CPNE6: variants seen among roughly 807,000 people sequenced by gnomAD.
The protein encoded by CPNE6 is copine-6.
In CPNE6, 33 loss-of-function variants were observed where a neutral mutation model predicts 71.5. That is an observed-to-expected ratio of 0.46 (90% CI 0.35 to 0.62). CPNE6 has a LOEUF of 0.62. Ranked by LOEUF, CPNE6 falls within the 20% of genes least tolerant of loss-of-function variation. The pLI, the probability that CPNE6 is intolerant of heterozygous loss-of-function variation, is 0.00. For synonymous variants in CPNE6, 296 were observed against 293.0 expected (o/e 1.01, Z -0.10); for missense variants, 576 against 747.3 (o/e 0.77, Z 2.67).
chr14:24,076,236 C>T (rs2036057743), exon 12 of CPNE6: 9 of 1,614,234 alleles, frequency 5.6e-6, no homozygotes, highest in South Asian at 1.1e-5. Flanking sequence ...CAACCACTAC[C>T]TGCAGGCCCT....
rs1345168110 is a variant in CPNE6 at position 24,076,858 on chromosome 14, A to T, written c.1166-21A>T. The T allele has an allele frequency of 2.5e-6, 4 of 1,611,374 alleles. No homozygotes were observed. The South Asian group carries it at 4.4e-5, about 18-fold the overall frequency. ...GGCCCTGCTCATTTCTGCCAGCTTC[A>T]CAACTTCTCTTCACTCACAGAGATC... On this transcript the variant is annotated intron_variant, in intron 14 of 17. Transcript: ENST00000397016.
At chr14:24,076,906 G>T in exon 15 of CPNE6, 1 of 1,613,272 alleles carries the variant, frequency 6.2e-7, no homozygotes. Flanking sequence ...GCCTCCTACC[G>T]TCGTTGCCTG....
At chr14:24,076,034 C>A in intron 11 of CPNE6, 115 bp from the exon 11 acceptor site, 1 of 1,506,654 alleles carries the variant, frequency 6.6e-7, no homozygotes, top group Non-Finnish European at 9.1e-7. Flanking sequence ...CATTATGTGG[C>A]TACCTGTAGC....
Position 24,074,938 on chromosome 14 carries a change from T to C in CPNE6, c.672+143T>C. Reference sequence around the variant, plus strand: ...TGTGGGATAAATAATAGGTCACAGCTCAATGTTAAACTTCCCACATGTGTG... The same window carrying C: ...TGTGGGATAAATAATAGGTCACAGCCCAATGTTAAACTTCCCACATGTGTG... On this transcript the variant is annotated intron_variant, in intron 8 of 17. Coordinates refer to ENST00000397016, the Ensembl canonical transcript of CPNE6. This position sits in a 1 kb window ranked among gnomAD's most constrained non-coding sequence, Gnocchi z 4.5. 1.3e-6 allele frequency: 1 copy of C among 773,838 alleles called. No individual in the cohort carries two copies. Among genetic ancestry groups the C allele is most frequent in the Non-Finnish European group, 2.2e-6 (1 of 461,782 alleles). 47.9% of individuals were successfully genotyped at this position (773,838 alleles called of 1,614,324 possible). A position where few individuals can be genotyped will look rare whatever the true frequency, so the allele number is the denominator to read the frequency against.
In CPNE6 at chr14:24,073,810, T is replaced by C. The variant is rs2035977062; in HGVS notation, c.348+132T>C. ...CTTGGCTCCCATCTCTGCCATTCAC[T>C]AGCTGTGCAGCCTCAGGAAAGATAC... On this transcript the variant is annotated intron_variant, in intron 4 of 17. Transcript: ENST00000397016. The surrounding 1 kb of genome is among the most constrained non-coding windows in gnomAD (Gnocchi z 5.5). The C allele has an allele frequency of 5.1e-6, 5 of 981,064 alleles. No homozygotes were observed. Among genetic ancestry groups the C allele is most frequent in the Non-Finnish European group, 7.5e-6 (5 of 663,110 alleles). The allele number at this position is 981,064 out of a possible 1,614,324, so 60.8% of individuals were successfully genotyped here. A position where few individuals can be genotyped will look rare whatever the true frequency, so the allele number is the denominator to read the frequency against.
At chr14:24,071,222 G>A (rs1268385413) in intron 1 of CPNE6, 1 of 1,017,396 alleles carries the variant, frequency 9.8e-7, no homozygotes, top group East Asian at 2.6e-5. Flanking sequence ...TGTGTGTCAA[G>A]ATATGTGTGA....
chr14:24,077,390 T>C lies in CPNE6; in HGVS notation c.1536T>C (p.Asp512=). Residue 512 remains aspartate (D), a splice_region_variant and synonymous_variant, in exon 16 of 18, where the codon GAT becomes GAC. Coordinates refer to ENST00000397016, the Ensembl canonical transcript of CPNE6. The surrounding 1 kb of genome is among the most constrained non-coding windows in gnomAD (Gnocchi z 6.1). ...TCGTGCCCTTCCGAGACTTCAAGGA[T>C]GTGAGTCCCCCGGGCCCCTTCCGGC... 1 of 1,613,528 alleles carries C rather than the reference T, an allele frequency of 6.2e-7. No homozygotes were observed.
exon 12 of CPNE6, chr14:24,076,156 T>C (rs2036054343): frequency 1.2e-6 from 2 of 1,613,460 alleles, no homozygotes; most frequent in Non-Finnish European, 8.5e-7. Flanking sequence ...CAGGTGGCCA[T>C]TGACTTCACC....
At position 24,077,255 on chromosome 14, in the gene CPNE6, C is replaced by G; in HGVS notation, c.1401C>G (p.Ile467Met). 1 of 1,613,716 alleles carries G rather than the reference C, an allele frequency of 6.2e-7. No homozygotes were observed. The change falls in exon 16 of 18, where the codon ATC becomes ATG. Residue 467 changes from isoleucine (I) to methionine (M), a missense_variant. This residue lies in a region of CPNE6 where 264 missense variants were observed against 339.9 expected (regional missense o/e 0.78). Transcript: ENST00000397016. The surrounding 1 kb of genome is among the most constrained non-coding windows in gnomAD (Gnocchi z 6.1). ...CCTCCCGCCTGCCCATGTCCATCAT[C>G]ATCGTAGGCGTGGGCAATGCTGACT... is the stretch of plus-strand genomic sequence containing the variant.
chr14:24,076,725 C>A (rs1473344495), intron 14 of CPNE6, 154 bp from the exon 14 acceptor site: 11 of 1,452,100 alleles, frequency 7.6e-6, no homozygotes, highest in Middle Eastern at 1.7e-4. Context: ...ACCCAACTCT[C>A]CCTGCCAAGG....
In CPNE6 at chr14:24,073,053, A is replaced by G; in HGVS notation, c.117A>G (p.Lys39=). ...TCCTGGACCGGGACACACTCACCAA[A>G]CCCCACCCCTGCGTGCTGCTCAAGC... The change falls in exon 3 of 18, where the codon AAA becomes AAG. Residue 39 remains lysine (K), a synonymous_variant. Coordinates refer to ENST00000397016, the Ensembl canonical transcript of CPNE6. This position sits in a 1 kb window ranked among gnomAD's most constrained non-coding sequence, Gnocchi z 5.5. 1 of 1,549,748 alleles carries G rather than the reference A, an allele frequency of 6.5e-7. No homozygotes were observed. The highest frequency in any genetic ancestry group is 2.5e-5 in the East Asian group (1 of 40,784).
intron 2 of CPNE6, chr14:24,071,991 G>A: frequency 7.4e-6 from 2 of 271,908 alleles, no homozygotes; most frequent in Non-Finnish European, 7.0e-6. Context: ...GGAGGGTGGG[G>A]CACTCAGACA....
rs1473991121 is a variant in CPNE6, at chr14:24,077,477, C to T, written c.1536+87C>T. ...ACCTTCGTCTTCCACCATTTGATGT[C>T]CTGCTAAGGACGCGGGAGCCCAGCT... On this transcript the variant is annotated intron_variant, in intron 16 of 17. Coordinates refer to ENST00000397016, the Ensembl canonical transcript of CPNE6. The surrounding 1 kb of genome is among the most constrained non-coding windows in gnomAD (Gnocchi z 6.1). 3.2e-6 allele frequency: 5 copies of T among 1,572,488 alleles called. No individual in the cohort carries two copies. The South Asian group carries it at 5.5e-5, about 17-fold the overall frequency.
chr14:24,075,997 G>A lies in CPNE6; in HGVS notation c.924+111G>A, dbSNP rs149273769. 3.2e-5 allele frequency: 48 copies of A among 1,506,854 alleles called. No individual in the cohort carries two copies. The highest frequency in any genetic ancestry group is 2.5e-4 in the East Asian group (11 of 44,090). 93.3% of individuals were successfully genotyped at this position (1,506,854 alleles called of 1,614,324 possible). On this transcript the variant is annotated intron_variant, in intron 11 of 17. Transcript: ENST00000397016. The surrounding 1 kb of genome is among the most constrained non-coding windows in gnomAD (Gnocchi z 4.3). ...CAACTTGGGCTGCTCATGAGCCTTC[G>A]CATTGTCAGCTTATGCACCCCCACA... is the stretch of plus-strand genomic sequence containing the variant.
At chr14:24,072,891 G>A (rs371399402) in intron 2 of CPNE6, 42 bp from the exon 2 acceptor site, 39 of 1,456,536 alleles carry the variant, frequency 2.7e-5, no homozygotes, top group East Asian at 2.7e-5. Context: ...GCTGGCAGGT[G>A]TTCCCTTTCC....
At position 24,073,109 on chromosome 14, in the gene CPNE6, G is replaced by C; in HGVS notation, c.168+5G>C. On this transcript the variant is annotated splice_donor_5th_base_variant and intron_variant, in intron 3 of 17. Coordinates refer to ENST00000397016, the Ensembl canonical transcript of CPNE6. This position sits in a 1 kb window ranked among gnomAD's most constrained non-coding sequence, Gnocchi z 5.5. ...TCTGATGAGCAGTGGGTGGAGGTGA[G>C]AGCAGCTCAGGTTTCTCCTTAACTA... 6.9e-7 allele frequency: 1 copy of C among 1,448,454 alleles called. No individual in the cohort carries two copies. Among genetic ancestry groups the C allele is most frequent in the Non-Finnish European group, 9.1e-7 (1 of 1,100,106 alleles). The allele number at this position is 1,448,454 out of a possible 1,614,324, so 89.7% of individuals were successfully genotyped here. A position where few individuals can be genotyped will look rare whatever the true frequency, so the allele number is the denominator to read the frequency against.
Position 24,074,934 on chromosome 14 carries a change from C to T in CPNE6, c.672+139C>T. 1.3e-6 allele frequency: 1 copy of T among 778,260 alleles called. No homozygotes were observed. The highest frequency in any genetic ancestry group is 2.2e-6 in the Non-Finnish European group (1 of 464,456). The allele number at this position is 778,260 out of a possible 1,614,324, so 48.2% of individuals were successfully genotyped here. On this transcript the variant is annotated intron_variant, in intron 8 of 17. Coordinates refer to ENST00000397016, the Ensembl canonical transcript of CPNE6. The surrounding 1 kb of genome is among the most constrained non-coding windows in gnomAD (Gnocchi z 4.5). ...CCACTGTGGGATAAATAATAGGTCA[C>T]AGCTCAATGTTAAACTTCCCACATG...
rs780487832 is a variant in CPNE6, at chr14:24,073,142, T to C, written c.168+38T>C. ...CAGGTTTCTCCTTAACTAACCTGGG[T>C]TAAGCTTGGGAAAGAGGGAGGCTGG... is the stretch of plus-strand genomic sequence containing the variant. On this transcript the variant is annotated intron_variant, in intron 3 of 17. Transcript: ENST00000397016. The surrounding 1 kb of genome is among the most constrained non-coding windows in gnomAD (Gnocchi z 5.5). The C allele has an allele frequency of 7.0e-7, 1 of 1,423,938 alleles. No individual in the cohort carries two copies. The highest frequency in any genetic ancestry group is 2.8e-5 in the Admixed American group (1 of 36,314). 88.2% of individuals were successfully genotyped at this position (1,423,938 alleles called of 1,614,324 possible).
chr14:24,072,746 G>A (rs2035939101), intron 2 of CPNE6, 187 bp from the exon 2 acceptor site: 2 of 458,148 alleles, frequency 4.4e-6, no homozygotes, highest in Admixed American at 4.3e-5. Context: ...AGCAGGAGTG[G>A]GAGGCTCAGG....
Sources: allele counts gnomAD v4.1 joint callset, GRCh38; gene constraint gnomAD v4.1.1; regional missense constraint gnomAD v4.1.1; non-coding constraint Gnocchi (gnomAD v3.1); transcripts MANE v1.5; gene names NCBI Gene and HGNC (gene_info 2026-07-23, HGNC 2026-07-21).